Variants in CNTN1 observed in about 807,000 individuals in gnomAD.
CNTN1 encodes the protein contactin 1.
In CNTN1, 38 loss-of-function variants were observed where a neutral mutation model predicts 126.4. That is an observed-to-expected ratio of 0.30 (90% CI 0.23 to 0.39). The LOEUF (loss-of-function observed/expected upper bound fraction) is 0.39. Ranked by LOEUF, CNTN1 falls within the 10% of genes least tolerant of loss-of-function variation. The probability of loss-of-function intolerance (pLI) is 1.00; values close to 1 mark genes in which losing one functional copy is unlikely to be tolerated. For missense variants in CNTN1, 1,009 were observed against 1,248.4 expected, an observed-to-expected ratio of 0.81 and a Z score of 2.89; for synonymous variants, 413 against 422.6, an observed-to-expected ratio of 0.98 and a Z score of 0.28.
intron 1 of CNTN1, among the ~76,000 whole-genome samples, chr12:40,853,293 C>G (rs1942783103): frequency 6.6e-6 from 1 of 151,988 alleles, no homozygotes; most frequent in Non-Finnish European, 1.5e-5. Context: ...ATATTATGTT[C>G]AAAGGACTAT....
At chr12:40,965,211 C>A (rs1947262111) in intron 15 of CNTN1, among the ~76,000 whole-genome samples, 1 of 152,016 alleles carries the variant, frequency 6.6e-6, no homozygotes, top group African/African-American at 2.4e-5. Flanking sequence ...TAGAACTAAT[C>A]CTATGGGTTA....
chr12:40,806,852 G>A (rs1471977444), intron 1 of CNTN1, among the ~76,000 whole-genome samples: 1 of 151,996 alleles, frequency 6.6e-6, no homozygotes, highest in African/African-American at 2.4e-5. Context: ...TTTGACTTAT[G>A]GGTTACATGA....
At position 41,055,938 on chromosome 12, in the gene CNTN1, C is replaced by T. The variant is rs11179635; in HGVS notation, c.2981-14021C>T. Among the ~76,000 whole-genome samples the T allele has an allele frequency of 8.8e-3, 1,336 of 152,228 alleles. 19 individuals carry two copies. Among genetic ancestry groups the T allele is most frequent in the African/African-American group, 0.03 (1,242 of 41,556 alleles). ...GTACCTAGATCTTCTTTTGAGTTTG[C>T]ACAACCTTGGAGATGCAGAGTAGTT... On this transcript the variant is annotated intron_variant, in intron 23 of 23. Transcript: ENST00000551295.
intron 1 of CNTN1, among the ~76,000 whole-genome samples, chr12:40,865,558 A>T (rs542136700): frequency 4.6e-5 from 7 of 151,970 alleles, no homozygotes; most frequent in African/African-American, 1.7e-4. Flanking sequence ...TTTTTTTTGT[A>T]TTTGAATATT....
chr12:40,937,851 AC>A (rs1423931701), intron 11 of CNTN1, among the ~76,000 whole-genome samples, 164 bp downstream of exon 11: 1 of 152,188 alleles, frequency 6.6e-6, no homozygotes, highest in Non-Finnish European at 1.5e-5. Context: ...ATTCAGACTA[AC>A]GAAACAATGG....
intron 1 of CNTN1, among the ~76,000 whole-genome samples, chr12:40,762,167 A>G (rs563638884): frequency 2.4e-4 from 36 of 152,344 alleles, no homozygotes; most frequent in Middle Eastern, 3.4e-3. Context: ...AAGGAATAGT[A>G]AGTACAAACA....
At chr12:41,027,754 G>GT in intron 21 of CNTN1, 103 bp from the exon 22 acceptor site, 1 of 767,304 alleles carries the variant, frequency 1.3e-6, no homozygotes, top group Admixed American at 1.9e-5. Flanking sequence ...AAACTAGATG[G>GT]TGGTGGTCAT....
chr12:40,838,416 C>A (rs1420962939), intron 1 of CNTN1, among the ~76,000 whole-genome samples: 3 of 152,216 alleles, frequency 2.0e-5, no homozygotes, highest in African/African-American at 7.2e-5. Context: ...TATCTGAACA[C>A]CCACTTGGCC....
intron 1 of CNTN1, among the ~76,000 whole-genome samples, chr12:40,815,168 AT>A (rs1941216927): frequency 6.6e-6 from 1 of 151,880 alleles, no homozygotes; most frequent in South Asian, 2.1e-4. Flanking sequence ...TTAAAATAGT[AT>A]TTTTCTAATT....
At chr12:40,934,231 G>A (rs2136921989) in intron 9 of CNTN1, among the ~76,000 whole-genome samples, 1 of 152,010 alleles carries the variant, frequency 6.6e-6, no homozygotes, top group South Asian at 2.1e-4. Flanking sequence ...CTTAGTTTAA[G>A]TCAGTGGTTT....
intron 16 of CNTN1, among the ~76,000 whole-genome samples, chr12:40,991,611 C>T (rs11179346): frequency 5.3e-5 from 8 of 152,016 alleles, no homozygotes; most frequent in African/African-American, 9.7e-5. Context: ...GGGTGGATCA[C>T]GAGGTCAGGA....
intron 1 of CNTN1, among the ~76,000 whole-genome samples, chr12:40,797,084 C>T (rs923090094): frequency 6.6e-6 from 1 of 151,968 alleles, no homozygotes; most frequent in South Asian, 2.1e-4. Context: ...GGTGCATTCA[C>T]CTATTGATTC....
intron 23 of CNTN1, among the ~76,000 whole-genome samples, chr12:41,052,699 T>C (rs1239629159): frequency 1.3e-5 from 2 of 152,062 alleles, no homozygotes; most frequent in Non-Finnish European, 2.9e-5. Flanking sequence ...TCAGTGTTTG[T>C]TTTTTCAATT....
chr12:41,001,892 A>T (rs559372622), intron 17 of CNTN1, among the ~76,000 whole-genome samples: 1 of 152,182 alleles, frequency 6.6e-6, no homozygotes, highest in South Asian at 2.1e-4. Flanking sequence ...TCCTATCCCC[A>T]TTTCTTGTTT....
chr12:40,748,977 C>A (rs1022517401), intron 1 of CNTN1, among the ~76,000 whole-genome samples: 3 of 152,036 alleles, frequency 2.0e-5, no homozygotes, highest in Admixed American at 2.0e-4. Flanking sequence ...GACAAAACAC[C>A]CCTGAGGTTC....
At chr12:40,706,549 T>C (rs1158127168) in intron 1 of CNTN1, among the ~76,000 whole-genome samples, 1 of 152,196 alleles carries the variant, frequency 6.6e-6, no homozygotes, top group Non-Finnish European at 1.5e-5. Flanking sequence ...AATTTTTATT[T>C]TGAATCTTCA....
At chr12:41,038,210 ATTTAT>A (rs755238586) in intron 23 of CNTN1, among the ~76,000 whole-genome samples, 9 of 152,160 alleles carry the variant, frequency 5.9e-5, no homozygotes, top group Non-Finnish European at 1.2e-4. Flanking sequence ...AATTTACATA[ATTTAT>A]TTTAAAGTGG....
At chr12:40,746,148 G>C (rs1487494704) in intron 1 of CNTN1, among the ~76,000 whole-genome samples, 1 of 152,026 alleles carries the variant, frequency 6.6e-6, no homozygotes, top group Non-Finnish European at 1.5e-5. Context: ...TTTCCATCAA[G>C]GTACAGGTAT....
At chr12:40,741,778 T>C (rs1363128228) in intron 1 of CNTN1, among the ~76,000 whole-genome samples, 1 of 152,076 alleles carries the variant, frequency 6.6e-6, no homozygotes, top group Admixed American at 6.6e-5. Flanking sequence ...TTTTTACTTA[T>C]CTTTTGTGAT....
Sources: allele counts gnomAD v4.1 joint callset (sites outside exome capture counted in the v4.1 genomes callset), GRCh38; gene constraint gnomAD v4.1.1; transcripts MANE v1.5; gene names NCBI Gene and HGNC (gene_info 2026-07-23, HGNC 2026-07-21).